The following MED13L variants were observed in gnomAD, a reference collection of about 807,000 sequenced individuals.
MED13L encodes the protein mediator complex subunit 13L, also known as mediator of RNA polymerase II transcription subunit 13-like.
MED13L carries 7 observed loss-of-function variants against 220.9 expected under a neutral mutation model. The ratio of observed to expected loss-of-function variants is 0.03; its 90% CI spans 0.02 to 0.06. The LOEUF is 0.06. Ranked by LOEUF, MED13L falls within the 10% of genes least tolerant of loss-of-function variation. The probability of loss-of-function intolerance (pLI) is 1.00; values close to 1 mark genes in which losing one functional copy is unlikely to be tolerated. For synonymous variants in MED13L, 1,011 were observed against 1,015.2 expected (o/e 1.00, Z 0.08); for missense variants, 1,965 against 2,760.5 (o/e 0.71, Z 6.46).
rs1258669220 is a variant in MED13L at position 116,124,513 on chromosome 12, TTTG to T, written c.311-13004_311-13002del. On this transcript the variant is annotated intron_variant, in intron 2 of 30. Coordinates refer to ENST00000281928, the MANE Select transcript of MED13L (RefSeq NM_015335.5). ...CAACAAAATAATTTGTTCTCTTCAC[TTTG>T]TTATCTACTTTTACTAGATAATAAT... Among the ~76,000 whole-genome samples, 4 of 152,208 alleles carry T rather than the reference TTTG, an allele frequency of 2.6e-5. No individual in the cohort carries two copies. In the East Asian group the frequency reaches 5.8e-4, roughly 22 times the overall value.
rs189493087 is a variant in MED13L at position 115,996,114 on chromosome 12, A to G, written c.2996+362T>C. On this transcript the variant is annotated intron_variant, in intron 16 of 30. Transcript: ENST00000281928. ...TCTTTCTTTTTTTTCTTTCTGAGAC[A>G]GAGTCTCACTCTGTCGCCCAGGCTG... Among the ~76,000 whole-genome samples the G allele has an allele frequency of 1.4e-3, 215 of 152,058 alleles. 1 individual carries two copies. Among genetic ancestry groups the G allele is most frequent in the African/African-American group, 5.0e-3 (207 of 41,468 alleles).
rs1031922673 is a variant in MED13L at position 115,986,499 on chromosome 12, C to A, written c.4115-10G>T. 3.7e-6 allele frequency: 6 copies of A among 1,612,028 alleles called. No homozygotes were observed. The highest frequency in any genetic ancestry group is 1.3e-5 in the African/African-American group (1 of 74,870). On this transcript the variant is annotated splice_polypyrimidine_tract_variant and intron_variant, in intron 18 of 30. Transcript: ENST00000281928. The stretch of plus-strand genomic sequence containing the variant: ...GGAGATTCTTCCGAACCTAAAATGA[C>A]ATTGTAGTGTAGAAAGGTGCTAGAG...
intron 2 of MED13L, among the ~76,000 whole-genome samples, chr12:116,188,466 C>A (rs988204993): frequency 1.3e-5 from 2 of 152,102 alleles, no homozygotes; most frequent in Non-Finnish European, 2.9e-5. Context: ...AAATGAGTCC[C>A]TAGCTAGTAA....
intron 2 of MED13L, among the ~76,000 whole-genome samples, chr12:116,141,600 G>C (rs1476375363): frequency 6.6e-6 from 1 of 152,074 alleles, no homozygotes; most frequent in Admixed American, 6.6e-5. Flanking sequence ...CAGGTAGCCA[G>C]CTCTACCTTC....
chr12:116,015,381 T>A, intron 7 of MED13L, 107 bp from the exon 8 acceptor site: 1 of 1,202,808 alleles, frequency 8.3e-7, no homozygotes, highest in Non-Finnish European at 1.2e-6. Flanking sequence ...TTGAAAGTCA[T>A]ATACATAGCT....
At chr12:115,978,866 G>A (rs191608536) in intron 23 of MED13L, among the ~76,000 whole-genome samples, 1 of 152,264 alleles carries the variant, frequency 6.6e-6, no homozygotes, top group Admixed American at 6.5e-5. Context: ...ACAGCAATTG[G>A]ATTTATTTGA....
chr12:116,015,031 A>G, intron 8 of MED13L, 78 bp downstream of exon 8: 1 of 1,418,318 alleles, frequency 7.1e-7, no homozygotes, highest in Non-Finnish European at 1.0e-6. Context: ...CAATAGTGCA[A>G]TGTGATTGAC....
At chr12:116,063,981 G>A (rs1869718126) in intron 4 of MED13L, among the ~76,000 whole-genome samples, 1 of 151,902 alleles carries the variant, frequency 6.6e-6, no homozygotes, top group Non-Finnish European at 1.5e-5. Flanking sequence ...CTAGGAGTTG[G>A]AGACCATCCT....
chr12:116,022,709 G>T, intron 4 of MED13L, 108 bp from the exon 5 acceptor site: 1 of 1,182,588 alleles, frequency 8.5e-7, no homozygotes, highest in Non-Finnish European at 1.2e-6. Flanking sequence ...CGTCCAGTAA[G>T]GCTGACTTCT....
intron 2 of MED13L, among the ~76,000 whole-genome samples, chr12:116,148,051 C>CAAAAAAAAAAAAA (rs10678970): frequency 8.3e-4 from 15 of 18,130 alleles, no homozygotes; most frequent in East Asian, 7.8e-3. Context: ...GACCCCATCT[C>CAAAAAAAAAAAAA]AAAAAAAAAA....
chr12:116,144,999 A>G (rs1233721291), intron 2 of MED13L, among the ~76,000 whole-genome samples: 1 of 152,224 alleles, frequency 6.6e-6, no homozygotes, highest in African/African-American at 2.4e-5. Flanking sequence ...CTCACAAAAT[A>G]CGCACATACT....
At chr12:116,102,271 C>T (rs759523153) in intron 3 of MED13L, among the ~76,000 whole-genome samples, 4 of 152,184 alleles carry the variant, frequency 2.6e-5, no homozygotes, top group African/African-American at 4.8e-5. Flanking sequence ...GCAGACCTGA[C>T]GTAAGATTAC....
At chr12:115,987,785 T>C (rs1877796127) in intron 17 of MED13L, among the ~76,000 whole-genome samples, 1 of 152,194 alleles carries the variant, frequency 6.6e-6, no homozygotes, top group South Asian at 2.1e-4. Flanking sequence ...AGAAGGCCAA[T>C]CTTCAGTGCA....
intron 2 of MED13L, among the ~76,000 whole-genome samples, chr12:116,214,636 CT>C (rs1454756423): frequency 1.3e-5 from 2 of 151,864 alleles, no homozygotes; most frequent in African/African-American, 4.8e-5. Context: ...TCAATAATAG[CT>C]TTTTTTCTCT....
intron 4 of MED13L, among the ~76,000 whole-genome samples, chr12:116,046,657 C>T (rs1451321671): frequency 6.6e-6 from 1 of 152,110 alleles, no homozygotes; most frequent in African/African-American, 2.4e-5. Context: ...TATCTGTGTA[C>T]GAGTAACTAA....
At chr12:116,179,210 T>C (rs1250595321) in intron 2 of MED13L, among the ~76,000 whole-genome samples, 1 of 141,784 alleles carries the variant, frequency 7.1e-6, no homozygotes, top group Admixed American at 6.8e-5. Flanking sequence ...TTTACGTGTG[T>C]GTGTGTGTGT....
chr12:116,223,686 A>G (rs565598161), intron 2 of MED13L, among the ~76,000 whole-genome samples: 7 of 152,326 alleles, frequency 4.6e-5, no homozygotes, highest in African/African-American at 1.7e-4. Context: ...CCTGGGCGAC[A>G]AAAGCAAAAC....
chr12:116,034,143 T>A (rs1881028666), intron 4 of MED13L, among the ~76,000 whole-genome samples: 1 of 152,128 alleles, frequency 6.6e-6, no homozygotes, highest in African/African-American at 2.4e-5. Flanking sequence ...CTCCTACACA[T>A]CTCTGTGTAT....
At chr12:116,068,697 A>G (rs564213989) in intron 4 of MED13L, among the ~76,000 whole-genome samples, 1 of 152,272 alleles carries the variant, frequency 6.6e-6, no homozygotes, top group Admixed American at 6.5e-5. Flanking sequence ...GCTTTTCAGA[A>G]TGTCAGTGTT....
Sources: gnomAD v4.1 joint callset for allele counts (sites outside exome capture counted in the v4.1 genomes callset) on GRCh38, gnomAD v4.1.1 for gene constraint, MANE v1.5 for transcripts, NCBI Gene and HGNC (gene_info 2026-07-23, HGNC 2026-07-21) for gene names.